NDUFAF2: variants seen among roughly 807,000 people sequenced by gnomAD.
The protein encoded by NDUFAF2 is NADH:ubiquinone oxidoreductase complex assembly factor 2.
A neutral mutation model predicts 22.8 loss-of-function variants in NDUFAF2; 13 were observed. That is an observed-to-expected ratio of 0.57 (90% CI 0.37 to 0.91). The LOEUF is 0.91. Ranked by LOEUF, NDUFAF2 falls within the 40% of genes least tolerant of loss-of-function variation. The pLI is 0.01. For missense variants in NDUFAF2, 162 were observed against 195.2 expected (o/e 0.83, Z 1.01); for synonymous variants, 53 against 64.2 (o/e 0.83, Z 0.84).
chr5:60,950,641 GT>G (rs1309492733), intron 1 of NDUFAF2, among the ~76,000 whole-genome samples: 2,199 of 133,666 alleles, frequency 0.016, 46 homozygotes, highest in African/African-American at 0.053. Flanking sequence ...TGCTTGCTGG[GT>G]TTTTTTTTTT....
chr5:60,995,879 G>A (rs146812049), intron 1 of NDUFAF2, among the ~76,000 whole-genome samples: 37 of 152,300 alleles, frequency 2.4e-4, no homozygotes, highest in Middle Eastern at 3.4e-3. Flanking sequence ...CAAACCACAA[G>A]ATTCAGTCCT....
intron 1 of NDUFAF2, among the ~76,000 whole-genome samples, chr5:61,023,375 T>C (rs1396512079): frequency 6.6e-6 from 1 of 152,150 alleles, no homozygotes; most frequent in African/African-American, 2.4e-5. Context: ...ATTTATAGTT[T>C]TAGATTATTT....
At chr5:61,024,487 G>A (rs1295919282) in intron 1 of NDUFAF2, among the ~76,000 whole-genome samples, 3 of 151,920 alleles carry the variant, frequency 2.0e-5, no homozygotes, top group Non-Finnish European at 4.4e-5. Context: ...AATAATAATA[G>A]TAATAATAAT....
At chr5:61,014,715 T>C (rs985754224) in intron 1 of NDUFAF2, among the ~76,000 whole-genome samples, 14 of 152,204 alleles carry the variant, frequency 9.2e-5, no homozygotes, top group African/African-American at 3.1e-4. Flanking sequence ...GTTGAATAAT[T>C]GGTTGGTGTG....
intron 1 of NDUFAF2, among the ~76,000 whole-genome samples, chr5:61,001,806 A>G (rs1231820063): frequency 1.3e-5 from 2 of 152,130 alleles, no homozygotes; most frequent in East Asian, 3.8e-4. Flanking sequence ...AAACCTTCTT[A>G]TATGGTCACC....
intron 3 of NDUFAF2, among the ~76,000 whole-genome samples, chr5:61,104,515 A>T (rs543635215): frequency 3.2e-4 from 48 of 152,204 alleles, no homozygotes; most frequent in Middle Eastern, 3.4e-3. Flanking sequence ...GGAGTTGGAG[A>T]TGGTGCTGCT....
At chr5:61,036,433 C>G (rs1037644969) in intron 1 of NDUFAF2, among the ~76,000 whole-genome samples, 5 of 152,194 alleles carry the variant, frequency 3.3e-5, no homozygotes, top group African/African-American at 1.2e-4. Flanking sequence ...ATTCTCAAAA[C>G]AAATTCATTG....
intron 1 of NDUFAF2, among the ~76,000 whole-genome samples, chr5:61,001,088 A>G (rs1415767566): frequency 6.6e-6 from 1 of 152,022 alleles, no homozygotes; most frequent in African/African-American, 2.4e-5. Context: ...ACTATTCCTG[A>G]AGGTTCTATT....
At chr5:61,149,089 G>T (rs1228345408) in intron 3 of NDUFAF2, among the ~76,000 whole-genome samples, 1 of 152,122 alleles carries the variant, frequency 6.6e-6, no homozygotes, top group Non-Finnish European at 1.5e-5. Context: ...TCATGCCTCA[G>T]CCTCCAGAGT....
intron 1 of NDUFAF2, among the ~76,000 whole-genome samples, chr5:61,052,646 T>A: frequency 6.6e-6 from 1 of 152,230 alleles, no homozygotes; most frequent in East Asian, 1.9e-4. Flanking sequence ...TACTAATGTC[T>A]GATGTGACTT....
chr5:61,045,022 T>TATTAAATCTTAATTTA (rs1554081089), intron 1 of NDUFAF2, among the ~76,000 whole-genome samples: 2 of 128,072 alleles, frequency 1.6e-5, no homozygotes, highest in Non-Finnish European at 3.4e-5. Context: ...GTATTAAATT[T>TATTAAATCTTAATTTA]ATTAAATTTT....
At chr5:61,095,958 G>A (rs1426818351) in intron 2 of NDUFAF2, among the ~76,000 whole-genome samples, 1 of 152,138 alleles carries the variant, frequency 6.6e-6, no homozygotes, top group Non-Finnish European at 1.5e-5. Context: ...CTCTCCATGA[G>A]AGCCACGTAC....
chr5:60,948,215 A>T (rs918795715), intron 1 of NDUFAF2, among the ~76,000 whole-genome samples: 4 of 151,940 alleles, frequency 2.6e-5, no homozygotes, highest in African/African-American at 9.7e-5. Context: ...ATTTTTATTT[A>T]GTTATTTTTA....
intron 1 of NDUFAF2, among the ~76,000 whole-genome samples, chr5:60,987,425 T>C (rs899696706): frequency 4.6e-5 from 7 of 152,236 alleles, no homozygotes; most frequent in Non-Finnish European, 7.3e-5. Context: ...CAACTCATTC[T>C]ATGAAACCAG....
chr5:61,150,470 G>A (rs939426312), intron 3 of NDUFAF2, among the ~76,000 whole-genome samples: 5 of 152,036 alleles, frequency 3.3e-5, no homozygotes, highest in Non-Finnish European at 7.4e-5. Flanking sequence ...TGCCTCAATA[G>A]CTATTATAAG....
intron 3 of NDUFAF2, among the ~76,000 whole-genome samples, chr5:61,132,265 C>T (rs1753121393): frequency 6.6e-6 from 1 of 152,182 alleles, no homozygotes; most frequent in South Asian, 2.1e-4. Context: ...AGTTCATGCT[C>T]AATAATATTG....
intron 1 of NDUFAF2, among the ~76,000 whole-genome samples, chr5:61,008,344 A>C (rs329614): frequency 6.6e-6 from 1 of 152,040 alleles, no homozygotes; most frequent in African/African-American, 2.4e-5. Flanking sequence ...AACCTTGATA[A>C]TTGATGTTAC....
chr5:60,970,825 A>T (rs186582511), intron 1 of NDUFAF2, among the ~76,000 whole-genome samples: 3 of 152,262 alleles, frequency 2.0e-5, no homozygotes, highest in East Asian at 3.9e-4. Context: ...TGAGATGTAA[A>T]GTTCAATATG....
intron 1 of NDUFAF2, among the ~76,000 whole-genome samples, chr5:60,948,881 G>T (rs1327669399): frequency 6.6e-6 from 1 of 152,100 alleles, no homozygotes; most frequent in South Asian, 2.1e-4. Flanking sequence ...TGCCTAAGTG[G>T]TGGTACCGTT....
Sources: gnomAD v4.1 joint callset for allele counts (sites outside exome capture counted in the v4.1 genomes callset) on GRCh38, gnomAD v4.1.1 for gene constraint, MANE v1.5 for transcripts, NCBI Gene and HGNC (gene_info 2026-07-23, HGNC 2026-07-21) for gene names.